The following MEGF11 variants were observed in gnomAD, a reference collection of about 807,000 sequenced individuals.
The protein encoded by MEGF11 is multiple EGF like domains 11.
MEGF11 carries 126 observed loss-of-function variants against 146.6 expected under a neutral mutation model. The observed-to-expected ratio is 0.86, with a 90% CI of 0.74 to 1.00. The LOEUF (loss-of-function observed/expected upper bound fraction) is 1.00. MEGF11 is among the 50% of genes least tolerant of loss of function. The pLI is 0.00. For synonymous variants in MEGF11, 532 were observed against 583.4 expected, an observed-to-expected ratio of 0.91 and a Z score of 1.27; for missense variants, 1,509 against 1,521.2, an observed-to-expected ratio of 0.99 and a Z score of 0.13.
chr15:66,166,614 C>T (rs571886350), intron 1 of MEGF11, among the ~76,000 whole-genome samples: 13 of 152,120 alleles, frequency 8.5e-5, no homozygotes, highest in African/African-American at 2.7e-4. Flanking sequence ...CTCCTTGTTC[C>T]CTTTGCTCCA....
chr15:66,225,267 G>A (rs781171643), intron 1 of MEGF11, among the ~76,000 whole-genome samples: 3 of 152,250 alleles, frequency 2.0e-5, no homozygotes, highest in Non-Finnish European at 2.9e-5. Context: ...TCCTGGGGAA[G>A]AGGCAGCAGC....
At chr15:65,912,258 C>A in intron 20 of MEGF11, 58 bp from the exon 21 acceptor site, 1 of 1,031,794 alleles carries the variant, frequency 9.7e-7, no homozygotes. Context: ...CATGAGATAC[C>A]CCCAGTACTA....
intron 24 of MEGF11, among the ~76,000 whole-genome samples, chr15:65,899,295 G>A (rs1157002207): frequency 1.3e-5 from 2 of 152,190 alleles, no homozygotes; most frequent in African/African-American, 4.8e-5. Flanking sequence ...AAGTGACTTA[G>A]CTAAAGTCAC....
chr15:66,090,816 C>T (rs561527574), intron 5 of MEGF11, among the ~76,000 whole-genome samples: 13 of 152,296 alleles, frequency 8.5e-5, no homozygotes, highest in Non-Finnish European at 1.6e-4. Flanking sequence ...AAAATGAGTG[C>T]ATGACATAAA....
At chr15:65,948,423 C>T (rs1324976286) in intron 10 of MEGF11, among the ~76,000 whole-genome samples, 1 of 152,136 alleles carries the variant, frequency 6.6e-6, no homozygotes, top group African/African-American at 2.4e-5. Context: ...CCCTGCATCT[C>T]GCTCAGTGCG....
chr15:66,009,593 GTT>G (rs757140653), intron 5 of MEGF11, among the ~76,000 whole-genome samples: 17 of 59,294 alleles, frequency 2.9e-4, no homozygotes, highest in East Asian at 8.0e-4. Context: ...GTCACATATG[GTT>G]TTTTTTTTTT....
In MEGF11 at chr15:65,992,567, T is replaced by C. The variant is rs193204304; in HGVS notation, c.395-10079A>G. Among the ~76,000 whole-genome samples, 6 of 152,024 alleles carry C rather than the reference T, an allele frequency of 3.9e-5. No individual in the cohort carries two copies. In the East Asian group the frequency reaches 1.2e-3, roughly 29 times the overall value. ...AGCCAGATTCAGCAGGGTATGTGTA[T>C]GTTTATTGACCTGCTTTAGGAGAGA... On this transcript the variant is annotated intron_variant, in intron 5 of 25. Transcript: ENST00000395614.
At chr15:66,228,070 C>T (rs547289722) in intron 1 of MEGF11, among the ~76,000 whole-genome samples, 41 of 152,248 alleles carry the variant, frequency 2.7e-4, no homozygotes, top group African/African-American at 9.1e-4. Flanking sequence ...CCCTGGGCCT[C>T]GGTGTGCTCT....
At chr15:66,137,166 AG>A (rs2088922975) in intron 1 of MEGF11, among the ~76,000 whole-genome samples, 1 of 152,252 alleles carries the variant, frequency 6.6e-6, no homozygotes, top group Admixed American at 6.5e-5. Flanking sequence ...GATGTGGAAA[AG>A]TATGGAAGCC....
rs532335436 is a variant in MEGF11 at position 66,211,351 on chromosome 15, G to A, written c.-9+42254C>T. Among the ~76,000 whole-genome samples the A allele has an allele frequency of 1.4e-3, 217 of 151,976 alleles. 2 individuals are homozygous for A. The highest frequency in any genetic ancestry group is 7.3e-3 in the South Asian group (35 of 4,794). The stretch of plus-strand genomic sequence containing the variant: ...ATCTTGGCTAACACGGTGAAACCCC[G>A]TCTCTACTAAAAATACAAAAAAATT... On this transcript the variant is annotated intron_variant, in intron 1 of 25. Coordinates refer to ENST00000395614, the MANE Select transcript of MEGF11 (RefSeq NM_001385028.1).
chr15:65,909,714 G>T, intron 22 of MEGF11, 26 bp downstream of exon 22: 1 of 1,548,868 alleles, frequency 6.5e-7, no homozygotes, highest in East Asian at 2.4e-5. Context: ...CATGATGGTG[G>T]GGACCAGACT....
In MEGF11 at chr15:65,906,235, CT is replaced by C. The variant is rs1293855846; in HGVS notation, c.2999-95del. 5.8e-6 allele frequency: 5 copies of C among 863,032 alleles called. No homozygotes were observed. In the East Asian group the frequency reaches 1.4e-4, roughly 23 times the overall value. The allele number at this position is 863,032 out of a possible 1,614,324, so 53.5% of individuals were successfully genotyped here. On this transcript the variant is annotated intron_variant, in intron 23 of 25. Coordinates refer to ENST00000395614, the MANE Select transcript of MEGF11 (RefSeq NM_001385028.1). Reference sequence around the variant, plus strand: ...CTTTCTTTTCTTGCTTTTCCCCCCCCTTCTCCCCTACCCAGAAAATAAATAG... The same window carrying C: ...CTTTCTTTTCTTGCTTTTCCCCCCCCTCTCCCCTACCCAGAAAATAAATAG...
Position 65,964,929 on chromosome 15 carries a change from CAG to C in MEGF11, c.1089_1090del (p.Cys364Ter). On this transcript the variant is annotated frameshift_variant, in exon 9 of 26. Coordinates refer to ENST00000395614, the MANE Select transcript of MEGF11 (RefSeq NM_001385028.1). LOFTEE classifies it high-confidence loss of function. Reference sequence around the variant, plus strand: ...ATACCTGATGGTGTTGTCAGCGTCACAGGGGCAGGGCAGGGTGCAGCCTGGGC... The same window carrying C: ...ATACCTGATGGTGTTGTCAGCGTCACGGGCAGGGCAGGGTGCAGCCTGGGC... The C allele has an allele frequency of 1.3e-6, 2 of 1,569,610 alleles. No individual in the cohort carries two copies. Among genetic ancestry groups the C allele is most frequent in the Non-Finnish European group, 1.7e-6 (2 of 1,156,650 alleles).
intron 1 of MEGF11, among the ~76,000 whole-genome samples, chr15:66,201,599 C>T (rs545389445): frequency 1.8e-4 from 28 of 152,042 alleles, no homozygotes; most frequent in Admixed American, 9.2e-4. Context: ...GCAATGATGG[C>T]ACCTCTCCCT....
intron 3 of MEGF11, among the ~76,000 whole-genome samples, chr15:66,122,302 A>G (rs2088071564): frequency 2.0e-5 from 3 of 151,970 alleles, no homozygotes; most frequent in African/African-American, 7.3e-5. Context: ...AAAAGCAATC[A>G]GTGAAGACCA....
intron 7 of MEGF11, among the ~76,000 whole-genome samples, chr15:65,972,176 G>A (rs955399877): frequency 6.6e-6 from 1 of 152,126 alleles, no homozygotes; most frequent in African/African-American, 2.4e-5. Flanking sequence ...ACCAATTCAG[G>A]TGGTCTGACA....
intron 5 of MEGF11, among the ~76,000 whole-genome samples, chr15:66,059,832 C>T (rs1039930037): frequency 6.6e-6 from 1 of 152,174 alleles, no homozygotes; most frequent in African/African-American, 2.4e-5. Context: ...AGCTAACATG[C>T]TGATTTATTT....
chr15:66,135,613 G>A (rs2088854942), intron 1 of MEGF11, among the ~76,000 whole-genome samples: 1 of 152,180 alleles, frequency 6.6e-6, no homozygotes, highest in Non-Finnish European at 1.5e-5. Flanking sequence ...TGCAGGTATT[G>A]ATGCTAATGT....
At chr15:65,944,484 T>G (rs1370488498) in intron 10 of MEGF11, among the ~76,000 whole-genome samples, 1 of 152,038 alleles carries the variant, frequency 6.6e-6, no homozygotes, top group Non-Finnish European at 1.5e-5. Context: ...CAGTTTGGAT[T>G]TGCTGGAGTT....
Sources: gnomAD v4.1 joint callset for allele counts (sites outside exome capture counted in the v4.1 genomes callset) on GRCh38, gnomAD v4.1.1 for gene constraint, MANE v1.5 for transcripts, NCBI Gene and HGNC (gene_info 2026-07-23, HGNC 2026-07-21) for gene names.